VPS8: variants seen among roughly 807,000 people sequenced by gnomAD.
VPS8 encodes VPS8 subunit of CORVET complex.
A neutral mutation model predicts 216.4 loss-of-function variants in VPS8; 129 were observed. That is an observed-to-expected ratio of 0.60 (90% CI 0.52 to 0.69). VPS8 has a LOEUF of 0.69. VPS8 is among the 30% of genes least tolerant of loss of function. The pLI is 0.00. For synonymous variants in VPS8, 571 were observed against 565.4 expected (o/e 1.01, Z -0.14); for missense variants, 1,531 against 1,683.5 (o/e 0.91, Z 1.59).
Position 184,933,478 on chromosome 3 carries a change from T to G in VPS8, c.2899-2768T>G, listed in dbSNP as rs570470313. On this transcript the variant is annotated intron_variant, in intron 34 of 47. Transcript: ENST00000625842. ...TTAGTCTTTTATCAGCAATATATAT[T>G]GCAAATATCTTCTCCCATCTCCCAT... Among the ~76,000 whole-genome samples the G allele has an allele frequency of 2.2e-3, 333 of 152,252 alleles. 2 individuals are homozygous for G. The highest frequency in any genetic ancestry group is 4.0e-3 in the Non-Finnish European group (274 of 68,004).
chr3:185,004,287 G>A (rs1286248150), intron 45 of VPS8, among the ~76,000 whole-genome samples: 6 of 152,222 alleles, frequency 3.9e-5, no homozygotes, highest in East Asian at 1.9e-4. Context: ...AGACCAGCCC[G>A]GCCAACACAG....
intron 22 of VPS8, among the ~76,000 whole-genome samples, chr3:184,888,362 C>T (rs1308149576): frequency 6.6e-6 from 1 of 152,112 alleles, no homozygotes; most frequent in Non-Finnish European, 1.5e-5. Context: ...GGTGTTAGGG[C>T]CACAAATACC....
Position 185,016,983 on chromosome 3 carries a change from G to A in VPS8, c.4003-7353G>A, listed in dbSNP as rs146701274. On this transcript the variant is annotated intron_variant, in intron 45 of 47. Coordinates refer to ENST00000625842, the MANE Select transcript of VPS8 (RefSeq NM_001009921.3). ...GGAACTTCGTCTTTCTGCTTGAAGC[G>A]GTTCCTTCAAACCTTGTAAATTTTT... Among the ~76,000 whole-genome samples, 935 of 151,792 alleles carry A rather than the reference G, an allele frequency of 6.2e-3. 7 individuals are homozygous for A. The highest frequency in any genetic ancestry group is 0.021 in the African/African-American group (873 of 41,386).
chr3:184,996,905 A>G (rs76820604), intron 44 of VPS8, among the ~76,000 whole-genome samples: 1 of 152,170 alleles, frequency 6.6e-6, no homozygotes, highest in African/African-American at 2.4e-5. Flanking sequence ...GTGGAGTATA[A>G]GAGAAAAATG....
rs568943473 is a variant in VPS8 at position 185,037,933 on chromosome 3, T to C, written c.4057-10546T>C. ...GATATTTACAGTGACTATTTTGAAA[T>C]CTTTTTCTGTTAAATCTGACATCTG... On this transcript the variant is annotated intron_variant, in intron 46 of 47. Transcript: ENST00000625842. 2.6e-5 allele frequency among the ~76,000 whole-genome samples: 4 copies of C among 152,372 alleles called. No individual in the cohort carries two copies. The South Asian group carries it at 8.3e-4, about 32-fold the overall frequency.
rs371766016 is a variant in VPS8, at chr3:184,849,927, G to A, written c.667-9G>A. The A allele has an allele frequency of 9.9e-6, 16 of 1,608,620 alleles. No homozygotes were observed. In the African/African-American group the frequency reaches 2.1e-4, roughly 22 times the overall value. On this transcript the variant is annotated splice_polypyrimidine_tract_variant and intron_variant, in intron 9 of 47. Coordinates refer to ENST00000625842, the MANE Select transcript of VPS8 (RefSeq NM_001009921.3). ...AAATTTGTTTTTGAAGCACTTAGTTGTCTTATAGATCACCATGTGGGATTT... is the reference window on the plus strand; with the variant it reads ...AAATTTGTTTTTGAAGCACTTAGTTATCTTATAGATCACCATGTGGGATTT...
At chr3:184,919,486 T>A (rs1282797493) in intron 28 of VPS8, among the ~76,000 whole-genome samples, 2 of 152,210 alleles carry the variant, frequency 1.3e-5, no homozygotes, top group Non-Finnish European at 2.9e-5. Flanking sequence ...TTACATATAC[T>A]GACAAACAGA....
At chr3:184,844,300 A>G (rs2108617474) in intron 8 of VPS8, among the ~76,000 whole-genome samples, 1 of 152,208 alleles carries the variant, frequency 6.6e-6, no homozygotes, top group South Asian at 2.1e-4. Context: ...ATGTGCCTGT[A>G]ATCCCAGCTA....
At chr3:185,011,184 A>T (rs1008536848) in intron 45 of VPS8, among the ~76,000 whole-genome samples, 3 of 152,250 alleles carry the variant, frequency 2.0e-5, no homozygotes, top group African/African-American at 7.2e-5. Flanking sequence ...CCTATAGTAG[A>T]TGACCTTTTT....
At chr3:184,923,253 T>C (rs958308378) in intron 29 of VPS8, among the ~76,000 whole-genome samples, 3 of 152,148 alleles carry the variant, frequency 2.0e-5, no homozygotes, top group African/African-American at 7.2e-5. Context: ...CCCAAAACAG[T>C]ACATAGTCTT....
rs200594499 is a variant in VPS8 at position 184,876,353 on chromosome 3, CT to C, written c.1734+5560del. The stretch of plus-strand genomic sequence containing the variant: ...CATTTGAAGATATTTGTTAAAAATG[CT>C]TTTTTTTTTTTAATTTCCCAGGCCT... On this transcript the variant is annotated intron_variant, in intron 21 of 47. Transcript: ENST00000625842. Among the ~76,000 whole-genome samples, 860 of 144,442 alleles carry C rather than the reference CT, an allele frequency of 6.0e-3. 1 individual carries two copies. Among genetic ancestry groups the C allele is most frequent in the East Asian group, 0.02 (100 of 4,966 alleles). The allele number at this position is 144,442 out of a possible 152,430, so 94.8% of individuals were successfully genotyped here. A position where few individuals can be genotyped will look rare whatever the true frequency, so the allele number is the denominator to read the frequency against.
intron 29 of VPS8, chr3:184,922,341 T>C: frequency 2.3e-6 from 1 of 433,716 alleles, no homozygotes; most frequent in Non-Finnish European, 4.6e-6. Flanking sequence ...TTCTTATCTG[T>C]CTTATGTAGA....
intron 29 of VPS8, among the ~76,000 whole-genome samples, chr3:184,924,097 T>C (rs1487739625): frequency 1.3e-5 from 2 of 152,204 alleles, no homozygotes; most frequent in East Asian, 3.9e-4. Context: ...ATGACTATGA[T>C]TTGATAACTG....
chr3:184,914,491 C>T (rs1249265207), intron 26 of VPS8, among the ~76,000 whole-genome samples: 1 of 152,188 alleles, frequency 6.6e-6, no homozygotes, highest in African/African-American at 2.4e-5. Context: ...AATTTCTCTT[C>T]AGATTCTAAT....
intron 6 of VPS8, chr3:184,839,220 C>G (rs1335095262): frequency 4.5e-5 from 8 of 175,986 alleles, no homozygotes; most frequent in Admixed American, 3.0e-4. Context: ...TTGTCTTCCT[C>G]CAGTGCCTTT....
At chr3:184,828,384 G>C (rs6785281) in intron 3 of VPS8, among the ~76,000 whole-genome samples, 22,889 of 151,774 alleles carry the variant, frequency 0.15, 2,516 homozygotes, top group African/African-American at 0.31. Flanking sequence ...AGTGATCTGC[G>C]GGCCTCGGCC....
chr3:185,028,813 G>A (rs1400623524), intron 46 of VPS8, among the ~76,000 whole-genome samples: 2 of 152,198 alleles, frequency 1.3e-5, no homozygotes, highest in African/African-American at 2.4e-5. Flanking sequence ...TATGCCTCAT[G>A]AGGGCAGAGC....
At chr3:185,018,084 C>T (rs865949336) in intron 45 of VPS8, among the ~76,000 whole-genome samples, 35 of 152,180 alleles carry the variant, frequency 2.3e-4, no homozygotes, top group Admixed American at 9.8e-4. Flanking sequence ...TCAGTCCTGC[C>T]ATTGCCTGTG....
At chr3:184,843,840 G>C (rs1433946213) in intron 8 of VPS8, among the ~76,000 whole-genome samples, 1 of 152,098 alleles carries the variant, frequency 6.6e-6, no homozygotes, top group Non-Finnish European at 1.5e-5. Flanking sequence ...TACTGTTTAA[G>C]TTTTAAAGTA....
Sources: gnomAD v4.1 joint callset for allele counts (sites outside exome capture counted in the v4.1 genomes callset) on GRCh38, gnomAD v4.1.1 for gene constraint, MANE v1.5 for transcripts, NCBI Gene and HGNC (gene_info 2026-07-23, HGNC 2026-07-21) for gene names.